The following PCDHGA1 variants were observed in gnomAD, a reference collection of about 807,000 sequenced individuals.
The protein encoded by PCDHGA1 is protocadherin gamma subfamily A, 1.
Under a neutral mutation model 58.0 loss-of-function variants are expected in PCDHGA1, and 32 were observed. The ratio of observed to expected loss-of-function variants is 0.55; its 90% CI spans 0.42 to 0.74. The LOEUF is 0.74. PCDHGA1 is among the 30% of genes least tolerant of loss of function. The pLI is 0.00. For missense variants in PCDHGA1, 1,205 were observed against 1,182.3 expected (o/e 1.02, Z -0.28); for synonymous variants, 498 against 501.1 (o/e 0.99, Z 0.08).
At chr5:141,361,157 A>T in intron 1 of PCDHGA1, 2 of 1,613,974 alleles carry the variant, frequency 1.2e-6, no homozygotes, top group Non-Finnish European at 1.7e-6. Flanking sequence ...CTTGATGACA[A>T]CGATTGTGCA....
intron 1 of PCDHGA1, chr5:141,389,244 T>C: frequency 6.2e-7 from 1 of 1,614,036 alleles, no homozygotes; most frequent in Non-Finnish European, 8.5e-7. Context: ...CTCACAGTCT[T>C]CCTATATAGT....
rs780436102 is a variant in PCDHGA1 at position 141,431,846 on chromosome 5, G to T, written c.2422-62961G>T. On this transcript the variant is annotated intron_variant, in intron 1 of 3. Coordinates refer to ENST00000517417, the MANE Select transcript of PCDHGA1 (RefSeq NM_018912.3). The surrounding 1 kb of genome is among the most constrained non-coding windows in gnomAD (Gnocchi z 4.8). ...CTCGGTTCCCGAAAACTCTCCCAGA[G>T]GGACATTAATTGCCCTTTTAAATGT... 4 of 1,614,274 alleles carry T rather than the reference G, an allele frequency of 2.5e-6. No homozygotes were observed. The South Asian group carries it at 4.4e-5, about 18-fold the overall frequency.
At chr5:141,478,487 A>G (rs1593917832) in intron 1 of PCDHGA1, 1 of 1,613,454 alleles carries the variant, frequency 6.2e-7, no homozygotes, top group South Asian at 1.1e-5. Flanking sequence ...CACGCTGCGG[A>G]GCTGTGATCC....
chr5:141,428,331 G>A, intron 1 of PCDHGA1: 2 of 625,576 alleles, frequency 3.2e-6, no homozygotes, highest in East Asian at 2.9e-5. Context: ...TGATTTCTAT[G>A]CTCTTCTTCC....
Position 141,485,731 on chromosome 5 carries a change from C to T in PCDHGA1, c.2422-9076C>T, listed in dbSNP as rs1440070106. The T allele has an allele frequency of 1.9e-6, 3 of 1,614,036 alleles. No individual in the cohort carries two copies. The highest frequency in any genetic ancestry group is 2.2e-5 in the South Asian group (2 of 91,080). On this transcript the variant is annotated intron_variant, in intron 1 of 3. Transcript: ENST00000517417. This position sits in a 1 kb window ranked among gnomAD's most constrained non-coding sequence, Gnocchi z 5.7. ...TTGCACTGGATGTGAAGAAGCGCAG[C>T]GACGGCAGCCTGGTCCCAGAGCTGC...
chr5:141,490,736 A>G lies in PCDHGA1; in HGVS notation c.2422-4071A>G, dbSNP rs747567176. The G allele has an allele frequency of 5.0e-6, 8 of 1,614,084 alleles. No individual in the cohort carries two copies. Among genetic ancestry groups the G allele is most frequent in the Non-Finnish European group, 6.8e-6 (8 of 1,180,034 alleles). On this transcript the variant is annotated intron_variant, in intron 1 of 3. Transcript: ENST00000517417. This position sits in a 1 kb window ranked among gnomAD's most constrained non-coding sequence, Gnocchi z 5.4. The stretch of plus-strand genomic sequence containing the variant: ...TACTCCATTGTAGGAAATCAGGTTC[A>G]GGGAGCCCCAGCCTCCTCCTTTGTG...
intron 2 of PCDHGA1, among the ~76,000 whole-genome samples, chr5:141,497,248 G>A (rs1442942520): frequency 6.6e-6 from 1 of 152,128 alleles, no homozygotes; most frequent in African/African-American, 2.4e-5. Context: ...AGGAGGAGGT[G>A]ACATTGAGAA....
At chr5:141,366,499 C>G (rs1245088091) in intron 1 of PCDHGA1, 2 of 1,614,262 alleles carry the variant, frequency 1.2e-6, no homozygotes, top group Non-Finnish European at 1.7e-6. Context: ...ACAAGTCACG[C>G]CTGCTTCAGG....
intron 1 of PCDHGA1, among the ~76,000 whole-genome samples, chr5:141,481,126 A>G (rs2099532217): frequency 6.6e-6 from 1 of 152,222 alleles, no homozygotes. Context: ...CATTTAGCAT[A>G]TTTGTGAAGT....
At chr5:141,362,345 C>T (rs776739300) in intron 1 of PCDHGA1, 2 of 1,614,068 alleles carry the variant, frequency 1.2e-6, no homozygotes, top group South Asian at 2.2e-5. Flanking sequence ...AAGCCTGGAC[C>T]TGGGGTTCTC....
At chr5:141,421,972 C>T (rs764728654) in intron 1 of PCDHGA1, 2 of 1,609,892 alleles carry the variant, frequency 1.2e-6, no homozygotes, top group African/African-American at 2.7e-5. Context: ...GTCCGTATAT[C>T]GCGTGAGTGT....
rs202162316 is a variant in PCDHGA1, at chr5:141,490,194, T to C, written c.2422-4613T>C. ...TTGAGGAGTCACGTTTCTATGAAAT[T>C]CATGCAAGAGCCCGTGACCAGGGAC... is the stretch of plus-strand genomic sequence containing the variant. On this transcript the variant is annotated intron_variant, in intron 1 of 3. Transcript: ENST00000517417. The surrounding 1 kb of genome is among the most constrained non-coding windows in gnomAD (Gnocchi z 5.4). The C allele has an allele frequency of 8.1e-6, 13 of 1,614,186 alleles. No individual in the cohort carries two copies. The highest frequency in any genetic ancestry group is 1.1e-5 in the Non-Finnish European group (13 of 1,180,030).
intron 1 of PCDHGA1, among the ~76,000 whole-genome samples, chr5:141,337,337 A>G (rs575609702): frequency 1.3e-5 from 2 of 152,228 alleles, no homozygotes; most frequent in Non-Finnish European, 2.9e-5. Context: ...TTATGGCATC[A>G]TTAGTCACAA....
chr5:141,427,150 T>C (rs570999921), intron 1 of PCDHGA1: 6 of 456,866 alleles, frequency 1.3e-5, no homozygotes, highest in African/African-American at 4.0e-5. Flanking sequence ...ATTGGAAATA[T>C]GTTTGTGCTA....
intron 1 of PCDHGA1, among the ~76,000 whole-genome samples, chr5:141,382,424 A>G (rs1778195711): frequency 6.6e-6 from 1 of 152,232 alleles, no homozygotes; most frequent in Non-Finnish European, 1.5e-5. Flanking sequence ...TCAGTGCCCA[A>G]AAGAGTCACT....
intron 1 of PCDHGA1, among the ~76,000 whole-genome samples, chr5:141,453,216 C>T (rs565229516): frequency 8.5e-5 from 13 of 152,080 alleles, no homozygotes; most frequent in Non-Finnish European, 1.0e-4. Context: ...TGCACTTAAG[C>T]GATCCTCCCA....
intron 1 of PCDHGA1, chr5:141,383,154 C>A: frequency 6.2e-7 from 1 of 1,614,112 alleles, no homozygotes; most frequent in South Asian, 1.1e-5. Context: ...GCAGCTTGGT[C>A]ACTGCGGGCA....
At chr5:141,367,544 A>G (rs976258516) in intron 1 of PCDHGA1, 78 of 146,054 alleles carry the variant, frequency 5.3e-4, no homozygotes, top group African/African-American at 1.8e-3. Context: ...CTCAAAATAA[A>G]TAAATAAATA....
At chr5:141,437,930 G>A (rs142381129) in intron 1 of PCDHGA1, among the ~76,000 whole-genome samples, 2,019 of 152,152 alleles carry the variant, frequency 0.013, 16 homozygotes, top group Middle Eastern at 0.034. Context: ...TAGAGATGGG[G>A]TTTCACCATA....
Sources: allele counts gnomAD v4.1 joint callset (sites outside exome capture counted in the v4.1 genomes callset), GRCh38; gene constraint gnomAD v4.1.1; non-coding constraint Gnocchi (gnomAD v3.1); transcripts MANE v1.5; gene names NCBI Gene and HGNC (gene_info 2026-07-23, HGNC 2026-07-21).